Variants in AGAP1 observed in about 807,000 individuals in gnomAD.
AGAP1 encodes ArfGAP with GTPase domain, ankyrin repeat and PH domain 1, also known as arf-GAP with GTPase, ANK repeat and PH domain-containing protein 1.
Under a neutral mutation model 105.3 loss-of-function variants are expected in AGAP1, and 29 were observed. That is an observed-to-expected ratio of 0.28 (90% CI 0.21 to 0.38). The LOEUF (loss-of-function observed/expected upper bound fraction) is 0.38. AGAP1 is among the 10% of genes least tolerant of loss of function. The pLI is 1.00. For synonymous variants in AGAP1, 509 were observed against 485.9 expected, an observed-to-expected ratio of 1.05 and a Z score of -0.63; for missense variants, 998 against 1,165.1, an observed-to-expected ratio of 0.86 and a Z score of 2.09.
intron 1 of AGAP1, among the ~76,000 whole-genome samples, chr2:235,680,567 C>T (rs564018617): frequency 3.3e-5 from 5 of 152,028 alleles, no homozygotes; most frequent in Middle Eastern, 3.2e-3. Context: ...GCACCGAGAG[C>T]AGGAGGCTGG....
At chr2:236,077,188 A>T in intron 16 of AGAP1, among the ~76,000 whole-genome samples, 1 of 149,842 alleles carries the variant, frequency 6.7e-6, no homozygotes. Context: ...AGAGATAATC[A>T]GTTAATGTTT....
At chr2:235,496,688 G>A (rs551697315) in intron 1 of AGAP1, among the ~76,000 whole-genome samples, 4 of 152,226 alleles carry the variant, frequency 2.6e-5, no homozygotes, top group Non-Finnish European at 5.9e-5. Context: ...GAGCTCTGGG[G>A]CTCAAGCACT....
intron 9 of AGAP1, among the ~76,000 whole-genome samples, chr2:235,816,559 C>CCCA (rs1306854094): frequency 1.3e-5 from 2 of 152,004 alleles, no homozygotes; most frequent in African/African-American, 4.8e-5. Flanking sequence ...CTGACTACTT[C>CCCA]CCACAGTCTT....
At chr2:235,722,503 G>A (rs1044611835) in intron 3 of AGAP1, among the ~76,000 whole-genome samples, 1 of 152,142 alleles carries the variant, frequency 6.6e-6, no homozygotes, top group Non-Finnish European at 1.5e-5. Flanking sequence ...AGCAATCCAT[G>A]CTGTTTCTTG....
At chr2:235,671,399 C>T (rs1046134502) in intron 1 of AGAP1, among the ~76,000 whole-genome samples, 2 of 152,180 alleles carry the variant, frequency 1.3e-5, no homozygotes, top group African/African-American at 2.4e-5. Flanking sequence ...CCCGCGACAC[C>T]TGTGGGGCCG....
At chr2:235,852,335 T>C (rs1482165685) in intron 9 of AGAP1, among the ~76,000 whole-genome samples, 2 of 152,152 alleles carry the variant, frequency 1.3e-5, no homozygotes, top group Admixed American at 6.5e-5. Context: ...GTTTGCTTTT[T>C]AATGCCAGCG....
chr2:236,107,116 C>T (rs2059516956), intron 16 of AGAP1, among the ~76,000 whole-genome samples: 1 of 151,626 alleles, frequency 6.6e-6, no homozygotes, highest in South Asian at 2.1e-4. Context: ...CCCCCCCGCC[C>T]CACCCCCGCC....
In AGAP1 at chr2:236,089,142, G is replaced by A. The variant is rs1199826757; in HGVS notation, c.2115-31050G>A. 6.6e-6 allele frequency among the ~76,000 whole-genome samples: 1 copy of A among 152,184 alleles called. No individual in the cohort carries two copies. On this transcript the variant is annotated intron_variant, in intron 16 of 17. Coordinates refer to ENST00000304032, the MANE Select transcript of AGAP1 (RefSeq NM_001037131.3). The surrounding 1 kb of genome is among the most constrained non-coding windows in gnomAD (Gnocchi z 5.6). ...GGGTCCAAGTCAGACCGCTCACGTG[G>A]GTGGCAGCGTCCAAGTCCAGTTTGT...
At position 235,608,701 on chromosome 2, in the gene AGAP1, C is replaced by T. The variant is rs755567733; in HGVS notation, c.164-100478C>T. On this transcript the variant is annotated intron_variant, in intron 1 of 17. Coordinates refer to ENST00000304032, the MANE Select transcript of AGAP1 (RefSeq NM_001037131.3). The surrounding 1 kb of genome is among the most constrained non-coding windows in gnomAD (Gnocchi z 5.4). Reference sequence around the variant, plus strand: ...TCCGGACGCCCTGCTGCTACTTGGCCTCCAACCAAAAAATTGTTCTTCTCC... The same window carrying T: ...TCCGGACGCCCTGCTGCTACTTGGCTTCCAACCAAAAAATTGTTCTTCTCC... Among the ~76,000 whole-genome samples, 14 of 152,180 alleles carry T rather than the reference C, an allele frequency of 9.2e-5. No individual in the cohort carries two copies. The highest frequency in any genetic ancestry group is 7.8e-4 in the Admixed American group (12 of 15,288).
At chr2:235,826,833 G>C (rs375191786) in intron 9 of AGAP1, among the ~76,000 whole-genome samples, 3 of 152,118 alleles carry the variant, frequency 2.0e-5, no homozygotes, top group Non-Finnish European at 4.4e-5. Flanking sequence ...GGCTGTCTTC[G>C]TCACTTTTCT....
chr2:235,603,182 G>GGTTTCATAA (rs1324875208), intron 1 of AGAP1, among the ~76,000 whole-genome samples: 48 of 152,136 alleles, frequency 3.2e-4, no homozygotes, highest in Non-Finnish European at 1.5e-4. Flanking sequence ...GAGAGCTGGT[G>GGTTTCATAA]GTTTCATAAG....
At chr2:236,115,295 C>G (rs2059744740) in intron 16 of AGAP1, among the ~76,000 whole-genome samples, 1 of 152,188 alleles carries the variant, frequency 6.6e-6, no homozygotes, top group African/African-American at 2.4e-5. Context: ...TCCCAAATCC[C>G]AAAACAGCCC....
intron 1 of AGAP1, among the ~76,000 whole-genome samples, chr2:235,510,636 T>C (rs931657972): frequency 6.6e-6 from 1 of 152,170 alleles, no homozygotes; most frequent in African/African-American, 2.4e-5. Context: ...TTTTCCAAAT[T>C]GGTTGATTTT....
intron 16 of AGAP1, among the ~76,000 whole-genome samples, chr2:236,059,799 T>C (rs1389197884): frequency 2.0e-5 from 3 of 152,184 alleles, no homozygotes; most frequent in African/African-American, 4.8e-5. Context: ...TAGACTCTTA[T>C]CTAATGCTAT....
intron 13 of AGAP1, among the ~76,000 whole-genome samples, chr2:236,023,143 G>A (rs919857257): frequency 3.9e-5 from 6 of 152,164 alleles, no homozygotes; most frequent in South Asian, 2.1e-4. Context: ...AGTATATTCC[G>A]TCTGAGTTTC....
intron 6 of AGAP1, among the ~76,000 whole-genome samples, chr2:235,775,251 T>A (rs1955774632): frequency 1.3e-5 from 2 of 152,142 alleles, no homozygotes; most frequent in Admixed American, 1.3e-4. Flanking sequence ...GGCACAGGAT[T>A]TTGTCATGGG....
chr2:235,547,836 C>A (rs1943677382), intron 1 of AGAP1, among the ~76,000 whole-genome samples: 1 of 152,178 alleles, frequency 6.6e-6, no homozygotes, highest in African/African-American at 2.4e-5. Context: ...TCCCCTTGCT[C>A]CCGTGAGAAG....
chr2:235,574,633 G>A lies in AGAP1; in HGVS notation c.163+79784G>A, dbSNP rs1170158186. On this transcript the variant is annotated intron_variant, in intron 1 of 17. Coordinates refer to ENST00000304032, the MANE Select transcript of AGAP1 (RefSeq NM_001037131.3). The surrounding 1 kb of genome is among the most constrained non-coding windows in gnomAD (Gnocchi z 5.0). ...GTTCTTTTAGGTCCTTTTTGGTTCT[G>A]TGCGACAGTTAATGAATAGTCATGT... 6.6e-6 allele frequency among the ~76,000 whole-genome samples: 1 copy of A among 152,154 alleles called. No homozygotes were observed. The highest frequency in any genetic ancestry group is 2.4e-5 in the African/African-American group (1 of 41,422).
intron 1 of AGAP1, among the ~76,000 whole-genome samples, chr2:235,575,790 T>G (rs546880055): frequency 6.6e-6 from 1 of 152,368 alleles, no homozygotes; most frequent in East Asian, 1.9e-4. Context: ...AGATGTGTCT[T>G]TCTTCTGTTT....
Sources: allele counts gnomAD v4.1 joint callset (sites outside exome capture counted in the v4.1 genomes callset), GRCh38; gene constraint gnomAD v4.1.1; non-coding constraint Gnocchi (gnomAD v3.1); transcripts MANE v1.5; gene names NCBI Gene and HGNC (gene_info 2026-07-23, HGNC 2026-07-21).